The following CEP85L variants were observed in gnomAD, a reference collection of about 807,000 sequenced individuals.
CEP85L encodes centrosomal protein of 85 kDa-like.
A neutral mutation model predicts 100.3 loss-of-function variants in CEP85L; 60 were observed. The observed-to-expected ratio is 0.60, with a 90% CI of 0.49 to 0.74. The LOEUF (loss-of-function observed/expected upper bound fraction) is 0.74, where lower values mean the gene tolerates loss of function less well. CEP85L is among the 30% of genes least tolerant of loss of function. The pLI, the probability that CEP85L is intolerant of heterozygous loss-of-function variation, is 0.00. For synonymous variants in CEP85L, 319 were observed against 322.7 expected, an observed-to-expected ratio of 0.99 and a Z score of 0.12; for missense variants, 973 against 936.2, an observed-to-expected ratio of 1.04 and a Z score of -0.51.
intron 1 of CEP85L, among the ~76,000 whole-genome samples, chr6:118,668,206 A>G (rs995115657): frequency 1.3e-5 from 2 of 152,166 alleles, no homozygotes; most frequent in Non-Finnish European, 2.9e-5. Context: ...CAGGCAGGAG[A>G]GCAATGATGT....
At chr6:118,516,458 G>A (rs74329073) in intron 4 of CEP85L, among the ~76,000 whole-genome samples, 1 of 152,186 alleles carries the variant, frequency 6.6e-6, no homozygotes. Context: ...ACTGGTGTGA[G>A]ATGGTATCTC....
At chr6:118,567,729 A>G (rs1779638377) in intron 2 of CEP85L, among the ~76,000 whole-genome samples, 1 of 152,208 alleles carries the variant, frequency 6.6e-6, no homozygotes, top group South Asian at 2.1e-4. Flanking sequence ...TCTTATGGAA[A>G]AAGTTATGTT....
chr6:118,689,837 A>G (rs919296097), intron 1 of CEP85L, among the ~76,000 whole-genome samples: 2 of 151,756 alleles, frequency 1.3e-5, no homozygotes, highest in Non-Finnish European at 2.9e-5. Context: ...ATAAGAGGAC[A>G]TTATCTTCCC....
chr6:118,558,763 T>C (rs757872085), intron 3 of CEP85L: 14 of 669,532 alleles, frequency 2.1e-5, no homozygotes, highest in African/African-American at 3.6e-5. Flanking sequence ...AAAATTGTAT[T>C]TTTTGTTCTG....
intron 1 of CEP85L, among the ~76,000 whole-genome samples, chr6:118,707,540 C>T (rs879581233): frequency 1.3e-5 from 2 of 152,152 alleles, no homozygotes; most frequent in African/African-American, 4.8e-5. Context: ...AGTGAGGAAG[C>T]ACCAACACTT....
rs1554223372 is a variant in CEP85L at position 118,576,646 on chromosome 6, T to TGGGGGGAATCC, written c.233-10341_233-10331dup. On this transcript the variant is annotated intron_variant, in intron 2 of 12. Coordinates refer to ENST00000368491, the MANE Select transcript of CEP85L (RefSeq NM_001042475.3). ...AGTTAATACTCCTGTGTCTTGCATA[T>TGGGGGGAATCC]GGGGGGAATCCTCAGAGGAAGAGTT... 2.0e-5 allele frequency among the ~76,000 whole-genome samples: 3 copies of TGGGGGGAATCC among 152,140 alleles called. No homozygotes were observed. In the South Asian group the frequency reaches 6.3e-4, roughly 32 times the overall value.
At chr6:118,471,514 T>C (rs983741313) in intron 10 of CEP85L, among the ~76,000 whole-genome samples, 2 of 151,990 alleles carry the variant, frequency 1.3e-5, no homozygotes, top group African/African-American at 4.8e-5. Flanking sequence ...ACTATAAAGA[T>C]ATTTTCCTCA....
intron 2 of CEP85L, among the ~76,000 whole-genome samples, chr6:118,598,621 C>T (rs568250375): frequency 3.3e-5 from 5 of 152,164 alleles, no homozygotes; most frequent in Non-Finnish European, 7.4e-5. Context: ...TGCCAGTAAG[C>T]ACCCGAAGCT....
Position 118,501,856 on chromosome 6 carries a change from A to C in CEP85L, c.1257+9442T>G. On this transcript the variant is annotated intron_variant, in intron 5 of 12. Coordinates refer to ENST00000368491, the MANE Select transcript of CEP85L (RefSeq NM_001042475.3). ...AGGACTCTGGAGATGCCGAAGCACA[A>C]GCCTTCAAGAGTCCCAGCAAAGAAA... 4.6e-6 allele frequency: 6 copies of C among 1,294,994 alleles called. 2 individuals carry two copies. Among genetic ancestry groups the C allele is most frequent in the Non-Finnish European group, 6.5e-6 (6 of 918,304 alleles). The allele number at this position is 1,294,994 out of a possible 1,614,324, so 80.2% of individuals were successfully genotyped here. A position where few individuals can be genotyped will look rare whatever the true frequency, so the allele number is the denominator to read the frequency against.
At chr6:118,531,242 ACAAT>A (rs1777273876) in intron 3 of CEP85L, among the ~76,000 whole-genome samples, 1 of 152,122 alleles carries the variant, frequency 6.6e-6, no homozygotes, top group African/African-American at 2.4e-5. Flanking sequence ...GTCAACAAAA[ACAAT>A]CAAAAGAGAA....
intron 3 of CEP85L, among the ~76,000 whole-genome samples, chr6:118,529,540 G>A (rs9387586): frequency 0.22 from 32,617 of 148,024 alleles, 4,653 homozygotes; most frequent in East Asian, 0.6. Context: ...CCTGGGAGGC[G>A]GACCTTGCAG....
intron 1 of CEP85L, among the ~76,000 whole-genome samples, chr6:118,664,705 T>C (rs752201848): frequency 5.3e-5 from 8 of 152,222 alleles, no homozygotes; most frequent in Non-Finnish European, 8.8e-5. Context: ...CAACTGGTTG[T>C]AGAATCATAG....
chr6:118,652,943 A>G, upstream of CEP85L: 2 of 527,132 alleles, frequency 3.8e-6, no homozygotes, highest in Non-Finnish European at 6.7e-6. Context: ...GAAAATTAGC[A>G]GAAGCTATAG....
chr6:118,537,459 C>T, intron 3 of CEP85L: 1 of 952,554 alleles, frequency 1.0e-6, no homozygotes, highest in Non-Finnish European at 1.2e-6. Context: ...CTGTTCTCTA[C>T]CCTAATGTAG....
chr6:118,709,218 G>T (rs779166940), intron 1 of CEP85L, among the ~76,000 whole-genome samples: 1 of 152,076 alleles, frequency 6.6e-6, no homozygotes, highest in South Asian at 2.1e-4. Flanking sequence ...CATTCCCCCA[G>T]TCTAAGTGCT....
intron 2 of CEP85L, among the ~76,000 whole-genome samples, chr6:118,602,575 A>G (rs1781840185): frequency 6.6e-6 from 1 of 152,202 alleles, no homozygotes; most frequent in South Asian, 2.1e-4. Context: ...TACGTTGCAG[A>G]AACAAACTTA....
intron 2 of CEP85L, among the ~76,000 whole-genome samples, chr6:118,607,620 C>T (rs1030186850): frequency 5.9e-5 from 9 of 152,172 alleles, no homozygotes; most frequent in African/African-American, 2.2e-4. Context: ...AACCCAAGGT[C>T]AGTCAAGCAT....
chr6:118,571,106 C>A (rs1473655111), intron 2 of CEP85L, among the ~76,000 whole-genome samples: 3 of 151,854 alleles, frequency 2.0e-5, no homozygotes, highest in Non-Finnish European at 4.4e-5. Flanking sequence ...CATTATTATA[C>A]CTTAGAAATG....
At chr6:118,620,823 C>T (rs1008835473) in intron 2 of CEP85L, among the ~76,000 whole-genome samples, 2 of 152,188 alleles carry the variant, frequency 1.3e-5, no homozygotes, top group African/African-American at 4.8e-5. Context: ...GTATTTCTCC[C>T]ACCTCCTCAG....
Sources: allele counts gnomAD v4.1 joint callset (sites outside exome capture counted in the v4.1 genomes callset), GRCh38; gene constraint gnomAD v4.1.1; transcripts MANE v1.5; gene names NCBI Gene and HGNC (gene_info 2026-07-23, HGNC 2026-07-21).